DET1: variants seen among roughly 807,000 people sequenced by gnomAD.
DET1 encodes DET1 partner of COP1 E3 ubiquitin ligase, also known as DET1 homolog.
A neutral mutation model predicts 43.7 loss-of-function variants in DET1; 22 were observed. The ratio of observed to expected loss-of-function variants is 0.50; its 90% CI spans 0.36 to 0.72. DET1 has a LOEUF of 0.72. DET1 is among the 30% of genes least tolerant of loss of function. The pLI, the probability that DET1 is intolerant of heterozygous loss-of-function variation, is 0.00. For synonymous variants in DET1, 315 were observed against 266.2 expected, an observed-to-expected ratio of 1.18 and a Z score of -1.79; for missense variants, 713 against 713.3, an observed-to-expected ratio of 1.00 and a Z score of 0.00.
At position 88,531,399 on chromosome 15, in the gene DET1, C is replaced by T. The variant is rs2056810997; in HGVS notation, c.307G>A (p.Glu103Lys). 1 of 1,613,940 alleles carries T rather than the reference C, an allele frequency of 6.2e-7. No individual in the cohort carries two copies. Among genetic ancestry groups the T allele is most frequent in the Non-Finnish European group, 8.5e-7 (1 of 1,179,910 alleles). ...TGGTCATTGCCATTGGACAGGATTT[C>T]TCCTTCGTATCCCTGCAGTAGGTCC... ...AEDLLQGYEG[E>K]ILSNGNDQRS... The change falls in exon 2 of 5, where the codon GAA becomes AAA. Residue 103 changes from glutamate (E) to lysine (K), a missense_variant. Glu to Lys is a moderately conservative substitution (Grantham distance 56, BLOSUM62 1). Transcript: ENST00000268148. The surrounding 1 kb of genome is among the most constrained non-coding windows in gnomAD (Gnocchi z 6.2).
intron 1 of DET1, among the ~76,000 whole-genome samples, chr15:88,540,350 T>C (rs1282425059): frequency 6.6e-6 from 1 of 152,094 alleles, no homozygotes; most frequent in Non-Finnish European, 1.5e-5. Flanking sequence ...GATTTTTCTG[T>C]TCTTTCTGGT....
At chr15:88,528,677 A>G (rs894225658) in intron 2 of DET1, among the ~76,000 whole-genome samples, 1 of 152,240 alleles carries the variant, frequency 6.6e-6, no homozygotes, top group Non-Finnish European at 1.5e-5. Flanking sequence ...CAGTGAATGT[A>G]GCAGTGTGAA....
intron 1 of DET1, chr15:88,536,272 A>T (rs768266564): frequency 2.1e-5 from 16 of 760,030 alleles, no homozygotes; most frequent in Non-Finnish European, 2.2e-5. Flanking sequence ...ACCCTATATT[A>T]TTAATGGTCT....
chr15:88,543,736 A>C (rs2057173476), intron 1 of DET1, among the ~76,000 whole-genome samples: 1 of 152,160 alleles, frequency 6.6e-6, no homozygotes, highest in African/African-American at 2.4e-5. Context: ...ACGTATTAAC[A>C]TTTACACTGA....
At chr15:88,510,624 G>A (rs1295454007), downstream of DET1, among the ~76,000 whole-genome samples, 1 of 152,140 alleles carries the variant, frequency 6.6e-6, no homozygotes, top group Non-Finnish European at 1.5e-5. Context: ...TACATATTGA[G>A]TAAAGTCCTT....
At position 88,512,996 on chromosome 15, in the gene DET1, A is replaced by C; in HGVS notation, c.1608T>G (p.Asn536Lys). Residue 536 changes from asparagine to lysine, a missense_variant, in exon 5 of 5, where the codon AAT becomes AAG. Coordinates refer to ENST00000268148, the MANE Select transcript of DET1 (RefSeq NM_001144074.3). Reference sequence around the variant, plus strand: ...TATGGAAGTTGACAACATACTCAGCATTAGTCCTCTGCACAGAAATAGCGA... The same window carrying C: ...TATGGAAGTTGACAACATACTCAGCCTTAGTCCTCTGCACAGAAATAGCGA... Reference protein sequence around the residue: ...EPFAISVQRTNAEYVVNFHMR... With the variant: ...EPFAISVQRTKAEYVVNFHMR... The C allele has an allele frequency of 6.2e-7, 1 of 1,614,082 alleles. No individual in the cohort carries two copies. Among genetic ancestry groups the C allele is most frequent in the Non-Finnish European group, 8.5e-7 (1 of 1,179,900 alleles).
In DET1 at chr15:88,512,524, T is replaced by C. The variant is rs569046845; in HGVS notation, c.*427A>G. On this transcript the variant is annotated 3_prime_UTR_variant, in exon 5 of 5. Coordinates refer to ENST00000268148, the MANE Select transcript of DET1 (RefSeq NM_001144074.3). ...TGGCTTTATTTTTCTCTTAAAAAGATAGCCGTGCTTATGAGCTAAATGGAA... is the reference window on the plus strand; with the variant it reads ...TGGCTTTATTTTTCTCTTAAAAAGACAGCCGTGCTTATGAGCTAAATGGAA... 4 of 988,826 alleles carry C rather than the reference T, an allele frequency of 4.0e-6. No homozygotes were observed. In the South Asian group the frequency reaches 1.9e-4, roughly 46 times the overall value. The allele number at this position is 988,826 out of a possible 1,614,324, so 61.3% of individuals were successfully genotyped here.
chr15:88,525,780 G>A (rs2056645427), intron 3 of DET1, among the ~76,000 whole-genome samples: 1 of 149,512 alleles, frequency 6.7e-6, no homozygotes, highest in Admixed American at 6.7e-5. Flanking sequence ...TCCCACCTCA[G>A]CCTCCCTAGT....
intron 3 of DET1, among the ~76,000 whole-genome samples, chr15:88,523,065 G>A (rs901510351): frequency 7.3e-5 from 11 of 150,896 alleles, no homozygotes; most frequent in African/African-American, 1.9e-4. Flanking sequence ...TTGTTTTTTC[G>A]GAGACCAGCC....
chr15:88,543,924 A>C (rs964441224), intron 1 of DET1, among the ~76,000 whole-genome samples: 3 of 152,234 alleles, frequency 2.0e-5, no homozygotes, highest in African/African-American at 7.2e-5. Flanking sequence ...CGTCTCTGAG[A>C]AAACTCGCCA....
chr15:88,515,534 G>A (rs1170745467), intron 4 of DET1, among the ~76,000 whole-genome samples: 1 of 28,068 alleles, frequency 3.6e-5, no homozygotes, highest in East Asian at 5.7e-4. Flanking sequence ...CAGAGACTCC[G>A]TCTTATAAAA....
At chr15:88,517,585 T>C (rs1398644903) in intron 3 of DET1, among the ~76,000 whole-genome samples, 1 of 152,200 alleles carries the variant, frequency 6.6e-6, no homozygotes, top group Non-Finnish European at 1.5e-5. Flanking sequence ...ATAACTAGTT[T>C]ATGGCAACTA....
At position 88,512,985 on chromosome 15, in the gene DET1, A is replaced by T; in HGVS notation, c.1619T>A (p.Val540Asp). Residue 540 changes from valine (V) to aspartate (D), a missense_variant, in exon 5 of 5, where the codon GTT becomes GAT. Val to Asp is a radical substitution (Grantham distance 152). Transcript: ENST00000268148. ...GCAGTGTCGCATATGGAAGTTGACA[A>T]CATACTCAGCATTAGTCCTCTGCAC... is the stretch of plus-strand genomic sequence containing the variant. ...ISVQRTNAEY[V>D]VNFHMRHCCT The T allele has an allele frequency of 6.2e-7, 1 of 1,614,048 alleles. No individual in the cohort carries two copies. Among genetic ancestry groups the T allele is most frequent in the Non-Finnish European group, 8.5e-7 (1 of 1,179,890 alleles).
intron 1 of DET1, among the ~76,000 whole-genome samples, chr15:88,535,510 C>T (rs900030617): frequency 6.6e-6 from 1 of 151,946 alleles, no homozygotes; most frequent in African/African-American, 2.4e-5. Context: ...AATCCCAGAA[C>T]TTTGGGAGGC....
downstream of DET1, among the ~76,000 whole-genome samples, chr15:88,511,018 C>T (rs368091062): frequency 7.6e-4 from 116 of 152,176 alleles, no homozygotes; most frequent in Non-Finnish European, 1.4e-3. Flanking sequence ...GTGATCCGCC[C>T]GCCTCAGCCT....
At chr15:88,532,138 C>CA (rs920667142) in intron 1 of DET1, among the ~76,000 whole-genome samples, 11 of 151,994 alleles carry the variant, frequency 7.2e-5, no homozygotes, top group African/African-American at 1.7e-4. Flanking sequence ...CCTGTCTCTA[C>CA]AAAAAAATAT....
At chr15:88,526,399 GC>G (rs1421039101) in intron 3 of DET1, among the ~76,000 whole-genome samples, 2 of 152,152 alleles carry the variant, frequency 1.3e-5, no homozygotes, top group African/African-American at 4.8e-5. Flanking sequence ...TTTAATTTAG[GC>G]CCTTGGCCCA....
rs2056811713 is a variant in DET1, at chr15:88,531,422, T to C, written c.284A>G (p.Asp95Gly). The change falls in exon 2 of 5, where the codon GAC (aspartate) becomes GGC (glycine). Residue 95 changes from aspartate (D) to glycine (G), a missense_variant. Asp to Gly is a moderately conservative substitution (Grantham distance 94). Transcript: ENST00000268148. This position sits in a 1 kb window ranked among gnomAD's most constrained non-coding sequence, Gnocchi z 6.2. ...YEYQGCQAAE[D>G]LLQGYEGEIL... ...TTCTCCTTCGTATCCCTGCAGTAGG[T>C]CCTCTGCTGCCTGGCAGCCCTGGTA... is the stretch of plus-strand genomic sequence containing the variant. 4 of 1,613,900 alleles carry C rather than the reference T, an allele frequency of 2.5e-6. No individual in the cohort carries two copies. The highest frequency in any genetic ancestry group is 3.4e-6 in the Non-Finnish European group (4 of 1,179,906).
Position 88,520,445 on chromosome 15 carries a change from C to A in DET1, c.1272-3472G>T, listed in dbSNP as rs547967023. On this transcript the variant is annotated intron_variant, in intron 3 of 4. Transcript: ENST00000268148. The stretch of plus-strand genomic sequence containing the variant: ...TAACTCCAATAAGTTAATTTTCAGT[C>A]CCTATTGTACTTGACTCGTCAGGTG... Among the ~76,000 whole-genome samples, 195 of 152,310 alleles carry A rather than the reference C, an allele frequency of 1.3e-3. 1 individual carries two copies. Among genetic ancestry groups the A allele is most frequent in the African/African-American group, 4.4e-3 (183 of 41,570 alleles).
Sources: gnomAD v4.1 joint callset for allele counts (sites outside exome capture counted in the v4.1 genomes callset) on GRCh38, gnomAD v4.1.1 for gene constraint, Gnocchi (gnomAD v3.1) non-coding constraint, MANE v1.5 for transcripts, NCBI Gene and HGNC (gene_info 2026-07-23, HGNC 2026-07-21) for gene names.